The following ANKRD11 variants were observed in gnomAD, a reference collection of about 807,000 sequenced individuals.
ANKRD11 encodes the protein ankyrin repeat domain-containing protein 11.
A neutral mutation model predicts 195.7 loss-of-function variants in ANKRD11; 17 were observed. That is an observed-to-expected ratio of 0.09 (90% CI 0.06 to 0.13). The LOEUF (loss-of-function observed/expected upper bound fraction) is 0.13, where lower values mean the gene tolerates loss of function less well. Among genes scored for constraint, ANKRD11 ranks in the 10% least tolerant of loss-of-function variants. The pLI is 1.00. For synonymous variants in ANKRD11, 1,953 were observed against 1,528.1 expected (o/e 1.28, Z -6.49); for missense variants, 3,735 against 3,566.1 (o/e 1.05, Z -1.21).
intron 2 of ANKRD11, among the ~76,000 whole-genome samples, chr16:89,367,143 A>G (rs936009102): frequency 1.3e-5 from 2 of 151,774 alleles, no homozygotes; most frequent in African/African-American, 4.8e-5. Flanking sequence ...CCCCGCACCC[A>G]TCGGTGAGGA....
chr16:89,281,373 C>G lies in ANKRD11; in HGVS notation c.5169G>C (p.Arg1723Ser). 1 of 1,609,740 alleles carries G rather than the reference C, an allele frequency of 6.2e-7. No homozygotes were observed. The highest frequency in any genetic ancestry group is 8.5e-7 in the Non-Finnish European group (1 of 1,176,626). ...AGTCATCGGCGCTGCAGGACGGGGT[C>G]CTGGGCGTGTGCATCACCTCCTCGT... ...PSYEEVMHTP[R>S]TPSCSADDYA... Residue 1723 changes from arginine to serine, a missense_variant, in exon 9 of 13, where the codon AGG becomes AGC. By Grantham distance (110) the Arg-to-Ser change is moderately radical. Transcript: ENST00000301030. This position sits in a 1 kb window ranked among gnomAD's most constrained non-coding sequence, Gnocchi z 5.5.
At chr16:89,372,098 G>T (rs2040218162) in intron 2 of ANKRD11, among the ~76,000 whole-genome samples, 1 of 152,242 alleles carries the variant, frequency 6.6e-6, no homozygotes, top group Non-Finnish European at 1.5e-5. Flanking sequence ...GACCACCACG[G>T]CGGGCACCCG....
chr16:89,362,041 G>C (rs1450149821), intron 2 of ANKRD11, among the ~76,000 whole-genome samples: 1 of 152,202 alleles, frequency 6.6e-6, no homozygotes, highest in Non-Finnish European at 1.5e-5. Context: ...TAACCCTCAA[G>C]TGCTCCTCAG....
At chr16:89,361,994 G>C (rs779227833) in intron 2 of ANKRD11, among the ~76,000 whole-genome samples, 2 of 152,198 alleles carry the variant, frequency 1.3e-5, no homozygotes, top group Non-Finnish European at 2.9e-5. Context: ...AGTGGCTCCA[G>C]GCAGGAGGAC....
chr16:89,314,181 G>A (rs781155135), intron 3 of ANKRD11, among the ~76,000 whole-genome samples: 1 of 152,012 alleles, frequency 6.6e-6, no homozygotes, highest in Non-Finnish European at 1.5e-5. Flanking sequence ...GGTTATGGAG[G>A]GTGCAGAAGT....
chr16:89,451,946 A>C (rs926279506), intron 1 of ANKRD11, among the ~76,000 whole-genome samples: 9 of 152,172 alleles, frequency 5.9e-5, no homozygotes, highest in Non-Finnish European at 1.5e-5. Flanking sequence ...GACGTTCAAA[A>C]TTTAACCTCT....
intron 2 of ANKRD11, among the ~76,000 whole-genome samples, chr16:89,335,813 AC>A (rs1412243640): frequency 6.6e-6 from 1 of 152,102 alleles, no homozygotes; most frequent in East Asian, 1.9e-4. Flanking sequence ...TTACGGTTTG[AC>A]CCAGAGAGTA....
intron 2 of ANKRD11, among the ~76,000 whole-genome samples, chr16:89,392,909 T>G (rs2041260671): frequency 6.6e-6 from 1 of 151,914 alleles, no homozygotes; most frequent in South Asian, 2.1e-4. Context: ...AATCACCACC[T>G]TGGGACCTGC....
intron 11 of ANKRD11, chr16:89,271,822 G>C (rs1035462646): frequency 6.6e-6 from 1 of 152,054 alleles, no homozygotes; most frequent in African/African-American, 2.4e-5. Context: ...AAATCTCCAG[G>C]ACATTGGCCT....
chr16:89,466,502 C>T (rs566871750), intron 1 of ANKRD11, among the ~76,000 whole-genome samples: 19 of 152,140 alleles, frequency 1.2e-4, no homozygotes, highest in Admixed American at 7.9e-4. Flanking sequence ...AACCAGATCT[C>T]GTTCATTTTT....
At chr16:89,377,797 A>G (rs1037624588) in intron 2 of ANKRD11, among the ~76,000 whole-genome samples, 1 of 152,116 alleles carries the variant, frequency 6.6e-6, no homozygotes, top group African/African-American at 2.4e-5. Flanking sequence ...TAGAGAAATG[A>G]CAAAGCACTT....
rs1363878815 is a variant in ANKRD11, at chr16:89,279,329, G to C, written c.7213C>G (p.Gln2405Glu). The C allele has an allele frequency of 1.9e-5, 30 of 1,611,486 alleles. No homozygotes were observed. The highest frequency in any genetic ancestry group is 2.5e-5 in the Non-Finnish European group (30 of 1,179,668). The change falls in exon 9 of 13, where the codon CAG becomes GAG. Residue 2405 changes from glutamine (Q) to glutamate (E), a missense_variant. Coordinates refer to ENST00000301030, the MANE Select transcript of ANKRD11 (RefSeq NM_013275.6). This position sits in a 1 kb window ranked among gnomAD's most constrained non-coding sequence, Gnocchi z 5.6. ...TGCTGGATCACCTCCCGCGTCTGCT[G>C]CGTGGACGTGTTCAGCTGCTGCTGC... ...QLQQQLNTST[Q>E]QTREVIQQTL...
chr16:89,345,294 G>A (rs995183029), intron 2 of ANKRD11, among the ~76,000 whole-genome samples: 6 of 115,420 alleles, frequency 5.2e-5, no homozygotes, highest in South Asian at 3.0e-4. Context: ...GACCCATCAC[G>A]ACAAACGGAT....
chr16:89,472,224 G>T (rs997712255), intron 1 of ANKRD11, among the ~76,000 whole-genome samples: 2 of 152,196 alleles, frequency 1.3e-5, no homozygotes, highest in African/African-American at 4.8e-5. Context: ...AAGGAAGACA[G>T]AAAAGTGAGA....
At chr16:89,352,257 T>G (rs2039254949) in intron 2 of ANKRD11, among the ~76,000 whole-genome samples, 2 of 152,056 alleles carry the variant, frequency 1.3e-5, no homozygotes, top group Admixed American at 1.3e-4. Flanking sequence ...GAGACAAGAC[T>G]TGTCCTAAGG....
intron 3 of ANKRD11, 68 bp downstream of exon 3, chr16:89,316,865 C>G: frequency 1.3e-6 from 2 of 1,555,222 alleles, no homozygotes; most frequent in Non-Finnish European, 1.8e-6. Flanking sequence ...AGGCGGGCAG[C>G]ACCCCATTCC....
intron 1 of ANKRD11, among the ~76,000 whole-genome samples, chr16:89,431,558 C>G (rs913834242): frequency 1.3e-5 from 2 of 152,200 alleles, no homozygotes; most frequent in Non-Finnish European, 2.9e-5. Context: ...ACAAACCACT[C>G]TCTTCCCAGG....
At chr16:89,418,857 C>A (rs1209558090) in intron 1 of ANKRD11, among the ~76,000 whole-genome samples, 1 of 151,734 alleles carries the variant, frequency 6.6e-6, no homozygotes, top group Non-Finnish European at 1.5e-5. Flanking sequence ...CTCCACCTCC[C>A]CTCCTGGGTT....
chr16:89,484,328 TCTTAC>T (rs1483076193), intron 1 of ANKRD11, among the ~76,000 whole-genome samples: 1 of 152,218 alleles, frequency 6.6e-6, no homozygotes, highest in Non-Finnish European at 1.5e-5. Context: ...CTTCACTGCG[TCTTAC>T]CTTCTCTATT....
Sources: allele counts gnomAD v4.1 joint callset (sites outside exome capture counted in the v4.1 genomes callset), GRCh38; gene constraint gnomAD v4.1.1; non-coding constraint Gnocchi (gnomAD v3.1); transcripts MANE v1.5; gene names NCBI Gene and HGNC (gene_info 2026-07-23, HGNC 2026-07-21).